PRR16: variants seen among roughly 807,000 people sequenced by gnomAD.
PRR16 encodes proline rich 16.
Under a neutral mutation model 18.2 loss-of-function variants are expected in PRR16, and 6 were observed. The ratio of observed to expected loss-of-function variants is 0.33; its 90% CI spans 0.18 to 0.65. The LOEUF is 0.65. Ranked by LOEUF, PRR16 falls within the 30% of genes least tolerant of loss-of-function variation. The pLI is 0.74. For synonymous variants in PRR16, 151 were observed against 147.8 expected (o/e 1.02, Z -0.16); for missense variants, 412 against 376.6 (o/e 1.09, Z -0.78).
chr5:120,593,244 C>G (rs926255316), intron 1 of PRR16, among the ~76,000 whole-genome samples: 1 of 151,502 alleles, frequency 6.6e-6, no homozygotes, highest in Admixed American at 6.6e-5. Context: ...TTTGAAAAAA[C>G]TAATAAGATA....
chr5:120,620,222 C>A (rs1393389268), intron 1 of PRR16, among the ~76,000 whole-genome samples: 4 of 152,064 alleles, frequency 2.6e-5, no homozygotes, highest in Admixed American at 2.6e-4. Context: ...TAAAATTAAT[C>A]TTTAATTTAT....
intron 1 of PRR16, among the ~76,000 whole-genome samples, chr5:120,524,138 A>G (rs1403154689): frequency 6.6e-6 from 1 of 152,206 alleles, no homozygotes; most frequent in African/African-American, 2.4e-5. Context: ...TCAGTGGCAC[A>G]TAGCAGCTGG....
At chr5:120,579,971 G>T (rs570316480) in intron 1 of PRR16, among the ~76,000 whole-genome samples, 2 of 152,004 alleles carry the variant, frequency 1.3e-5, no homozygotes, top group African/African-American at 4.8e-5. Flanking sequence ...TGTATTCCTA[G>T]GTATTTTATT....
At chr5:120,648,300 T>TA in intron 1 of PRR16, among the ~76,000 whole-genome samples, 1 of 152,258 alleles carries the variant, frequency 6.6e-6, no homozygotes, top group Non-Finnish European at 1.5e-5. Flanking sequence ...TCACTTTTTT[T>TA]ACCTCATTTC....
intron 1 of PRR16, among the ~76,000 whole-genome samples, chr5:120,511,701 T>C (rs1750832055): frequency 6.6e-6 from 1 of 152,222 alleles, no homozygotes; most frequent in African/African-American, 2.4e-5. Context: ...AAGAGACAAT[T>C]AGACTTTTCA....
At chr5:120,640,278 T>C (rs923955288) in intron 1 of PRR16, among the ~76,000 whole-genome samples, 1 of 139,484 alleles carries the variant, frequency 7.2e-6, no homozygotes, top group African/African-American at 2.7e-5. Context: ...AACCTGCACG[T>C]GTACCCCTGA....
chr5:120,789,929 T>A, the PRR16 span: 1 of 152,150 alleles, frequency 6.6e-6, no homozygotes, highest in Admixed American at 6.6e-5. Flanking sequence ...ATCATATTTA[T>A]ATTTTGTTTT....
At chr5:120,784,862 A>G in the PRR16 span, among the ~76,000 whole-genome samples, 1 of 152,164 alleles carries the variant, frequency 6.6e-6, no homozygotes, top group Non-Finnish European at 1.5e-5. Context: ...CCATGGGCTC[A>G]TTATGACCAG....
At chr5:120,758,535 G>T in the PRR16 span, among the ~76,000 whole-genome samples, 3 of 152,114 alleles carry the variant, frequency 2.0e-5, no homozygotes, top group Non-Finnish European at 4.4e-5. Flanking sequence ...GCATATTGAA[G>T]GGGGGATCTG....
chr5:120,702,974 T>C, the PRR16 span, among the ~76,000 whole-genome samples: 1 of 152,160 alleles, frequency 6.6e-6, no homozygotes, highest in African/African-American at 2.4e-5. Context: ...TGCACGTCCG[T>C]GTGAAGAGAC....
At chr5:120,519,249 A>G (rs915762644) in intron 1 of PRR16, among the ~76,000 whole-genome samples, 2 of 152,126 alleles carry the variant, frequency 1.3e-5, no homozygotes, top group African/African-American at 4.8e-5. Context: ...TTCATTATTT[A>G]GTAATGAATA....
At chr5:120,538,351 T>C (rs1751796523) in intron 1 of PRR16, among the ~76,000 whole-genome samples, 1 of 152,204 alleles carries the variant, frequency 6.6e-6, no homozygotes, top group African/African-American at 2.4e-5. Flanking sequence ...GTTGTATTTC[T>C]ATGAGTCAGG....
chr5:120,659,013 T>G (rs1756083437), intron 1 of PRR16, among the ~76,000 whole-genome samples: 1 of 151,906 alleles, frequency 6.6e-6, no homozygotes, highest in Non-Finnish European at 1.5e-5. Flanking sequence ...TCTTTCTCTC[T>G]CACCTGCGAC....
the PRR16 span, among the ~76,000 whole-genome samples, chr5:120,763,092 G>A: frequency 6.6e-6 from 1 of 151,980 alleles, no homozygotes; most frequent in Non-Finnish European, 1.5e-5. Context: ...CTGTAAATAT[G>A]TGGATTTGTT....
chr5:120,628,649 T>TTCTA (rs5870903), intron 1 of PRR16, among the ~76,000 whole-genome samples: 70,020 of 149,048 alleles, frequency 0.47, 17,065 homozygotes, highest in East Asian at 0.83. Context: ...TCTTTCTACC[T>TTCTA]TCTATCTATC....
chr5:120,560,955 GA>G (rs1369045292), intron 1 of PRR16, among the ~76,000 whole-genome samples: 28 of 151,996 alleles, frequency 1.8e-4, no homozygotes, highest in Non-Finnish European at 3.1e-4. Flanking sequence ...TTGATTTTCT[GA>G]AGTATCAGTT....
At chr5:120,669,661 A>T (rs1324617595) in intron 1 of PRR16, among the ~76,000 whole-genome samples, 1 of 152,124 alleles carries the variant, frequency 6.6e-6, no homozygotes. Context: ...AGCATATTTT[A>T]AGAGGTGTTT....
intron 1 of PRR16, among the ~76,000 whole-genome samples, chr5:120,566,810 G>T (rs191529089): frequency 2.6e-5 from 4 of 152,254 alleles, no homozygotes; most frequent in East Asian, 1.9e-4. Context: ...TTCCATAAAT[G>T]TTATTGAAGC....
chr5:120,763,551 G>T, the PRR16 span, among the ~76,000 whole-genome samples: 3 of 151,934 alleles, frequency 2.0e-5, no homozygotes, highest in African/African-American at 7.3e-5. Flanking sequence ...CTTTCTTTTG[G>T]TTCCATATTA....
Sources: gnomAD v4.1 joint callset for allele counts (sites outside exome capture counted in the v4.1 genomes callset) on GRCh38, gnomAD v4.1.1 for gene constraint, MANE v1.5 for transcripts, NCBI Gene and HGNC (gene_info 2026-07-23, HGNC 2026-07-21) for gene names.